Variants in HK2 observed in about 807,000 individuals in gnomAD.
HK2 encodes hexokinase 2, also known as hexokinase-2.
A neutral mutation model predicts 92.9 loss-of-function variants in HK2; 42 were observed. That is an observed-to-expected ratio of 0.45 (90% CI 0.35 to 0.58). The LOEUF (loss-of-function observed/expected upper bound fraction) is 0.58. HK2 is among the 20% of genes least tolerant of loss of function. HK2 has a pLI of 0.00. For synonymous variants in HK2, 422 were observed against 468.0 expected, an observed-to-expected ratio of 0.90 and a Z score of 1.27; for missense variants, 978 against 1,245.1, an observed-to-expected ratio of 0.79 and a Z score of 3.23.
Position 74,880,307 on chromosome 2 carries a change from C to A in HK2, c.1308C>A (p.Pro436=). 2 of 1,614,130 alleles carry A rather than the reference C, an allele frequency of 1.2e-6. No homozygotes were observed. The highest frequency in any genetic ancestry group is 2.2e-5 in the South Asian group (2 of 91,080). The change falls in exon 10 of 18, where the codon CCC becomes CCA. Residue 436 remains proline, a synonymous_variant. Coordinates refer to ENST00000290573, the MANE Select transcript of HK2 (RefSeq NM_000189.5). ...RLHKTVRRLV[P]GCDVRFLRSE... is the part of the protein sequence containing the mutation. ...ATAAGACCGTGCGGCGGCTGGTGCCCGGCTGCGATGTCCGCTTCCTCCGCT... is the reference window on the plus strand; with the variant it reads ...ATAAGACCGTGCGGCGGCTGGTGCCAGGCTGCGATGTCCGCTTCCTCCGCT...
intron 15 of HK2, among the ~76,000 whole-genome samples, chr2:74,886,912 C>G (rs568873780): frequency 2.6e-5 from 4 of 152,362 alleles, no homozygotes; most frequent in African/African-American, 9.6e-5. Flanking sequence ...GACCCTAGGT[C>G]TGGCACTCTA....
intron 7 of HK2, 63 bp downstream of exon 7, chr2:74,874,512 T>A: frequency 6.7e-7 from 1 of 1,491,270 alleles, no homozygotes; most frequent in East Asian, 2.5e-5. Context: ...CTGGGGCTGG[T>A]CGGGGCCAGG....
At chr2:74,866,315 A>T (rs145339403) in intron 2 of HK2, among the ~76,000 whole-genome samples, 39 of 152,280 alleles carry the variant, frequency 2.6e-4, no homozygotes, top group African/African-American at 8.2e-4. Flanking sequence ...TTCTCCCACC[A>T]GGAAAGGGGT....
intron 3 of HK2, among the ~76,000 whole-genome samples, 189 bp from the exon 4 acceptor site, chr2:74,872,111 T>G (rs1689112152): frequency 6.6e-6 from 1 of 152,230 alleles, no homozygotes; most frequent in East Asian, 1.9e-4. Context: ...ACTCATGTAC[T>G]CCTTTTCATA....
At chr2:74,857,177 C>T (rs11675438) in intron 2 of HK2, among the ~76,000 whole-genome samples, 26,401 of 152,130 alleles carry the variant, frequency 0.17, 2,879 homozygotes, top group East Asian at 0.32. Flanking sequence ...GCAGGGGGTC[C>T]ATAGGTTAGC....
intron 2 of HK2, among the ~76,000 whole-genome samples, chr2:74,856,884 G>C (rs1688708607): frequency 6.6e-6 from 1 of 152,200 alleles, no homozygotes; most frequent in Non-Finnish European, 1.5e-5. Flanking sequence ...CACTGCAAAT[G>C]CTCAACTAAA....
In HK2 at chr2:74,854,421, G is replaced by A; in HGVS notation, c.192G>A (p.Leu64=). ...ACCCTACTGCAGCAGTGAAGATGCTGCCCACCTTTGTGAGGTCCACTCCAG... is the reference window on the plus strand; with the variant it reads ...ACCCTACTGCAGCAGTGAAGATGCTACCCACCTTTGTGAGGTCCACTCCAG... ...TTHPTAAVKM[L]PTFVRSTPDG... The change falls in exon 2 of 18, where the codon CTG becomes CTA. Residue 64 remains leucine, a synonymous_variant. Coordinates refer to ENST00000290573, the MANE Select transcript of HK2 (RefSeq NM_000189.5). 1 of 1,614,210 alleles carries A rather than the reference G, an allele frequency of 6.2e-7. No individual in the cohort carries two copies. Among genetic ancestry groups the A allele is most frequent in the Admixed American group, 1.7e-5 (1 of 60,032 alleles).
At chr2:74,885,008 G>A (rs1689487474) in intron 12 of HK2, among the ~76,000 whole-genome samples, 1 of 152,198 alleles carries the variant, frequency 6.6e-6, no homozygotes, top group South Asian at 2.1e-4. Context: ...GACATACACT[G>A]ACCCTTCTGA....
rs1339844515 is a variant in HK2 at position 74,880,321 on chromosome 2, G to T, written c.1322G>T (p.Arg441Leu). ...VRRLVPGCDV[R>L]FLRSEDGSGK... The stretch of plus-strand genomic sequence containing the variant: ...CGGCTGGTGCCCGGCTGCGATGTCC[G>T]CTTCCTCCGCTCCGAGGATGGCAGT... Residue 441 changes from arginine to leucine, a missense_variant, in exon 10 of 18, where the codon CGC becomes CTC. This residue lies in a region of HK2 where 742 missense variants were observed against 922.5 expected (regional missense o/e 0.80). Transcript: ENST00000290573. The T allele has an allele frequency of 1.2e-6, 2 of 1,614,168 alleles. No homozygotes were observed. The highest frequency in any genetic ancestry group is 1.1e-5 in the South Asian group (1 of 91,086).
At chr2:74,855,397 TCTCG>T (rs1688671267) in intron 2 of HK2, among the ~76,000 whole-genome samples, 1 of 152,082 alleles carries the variant, frequency 6.6e-6, no homozygotes, top group African/African-American at 2.4e-5. Context: ...TGAGATGGAG[TCTCG>T]CTCTGTCACC....
chr2:74,834,342 C>G lies in HK2; in HGVS notation c.-239C>G. The stretch of plus-strand genomic sequence containing the variant: ...TGACGTGGGACAACCGGACACGTCG[C>G]CAGGAGAGAACTGAGGCGCCTTCTA... On this transcript the variant is annotated 5_prime_UTR_variant, in exon 1 of 18. Coordinates refer to ENST00000290573, the MANE Select transcript of HK2 (RefSeq NM_000189.5). The surrounding 1 kb of genome is among the most constrained non-coding windows in gnomAD (Gnocchi z 4.2). The G allele has an allele frequency of 1.7e-6, 1 of 587,396 alleles. No homozygotes were observed. The highest frequency in any genetic ancestry group is 1.9e-5 in the South Asian group (1 of 52,568). 36.4% of individuals were successfully genotyped at this position (587,396 alleles called of 1,614,324 possible). A position where few individuals can be genotyped will look rare whatever the true frequency, so the allele number is the denominator to read the frequency against.
rs1210201479 is a variant in HK2 at position 74,854,310 on chromosome 2, C to T, written c.81C>T (p.Tyr27=). 1.2e-6 allele frequency: 2 copies of T among 1,612,716 alleles called. No individual in the cohort carries two copies. Among genetic ancestry groups the T allele is most frequent in the Admixed American group, 1.7e-5 (1 of 60,014 alleles). Reference sequence around the variant, plus strand: ...TTTTTCAGGTTGACCAGTATCTCTACCACATGCGCCTCTCTGATGAGACCC... The same window carrying T: ...TTTTTCAGGTTGACCAGTATCTCTATCACATGCGCCTCTCTGATGAGACCC... ...DQVQKVDQYL[Y]HMRLSDETLL... Residue 27 remains tyrosine (Y), a synonymous_variant, in exon 2 of 18, where the codon TAC becomes TAT. Coordinates refer to ENST00000290573, the MANE Select transcript of HK2 (RefSeq NM_000189.5).
intron 1 of HK2, among the ~76,000 whole-genome samples, chr2:74,852,719 A>G (rs569051998): frequency 1.3e-5 from 2 of 152,074 alleles, no homozygotes; most frequent in South Asian, 4.2e-4. Context: ...AACGAGTGAG[A>G]GTTATCTGAT....
chr2:74,889,111 C>A, intron 16 of HK2, 134 bp from the exon 17 acceptor site: 1 of 743,732 alleles, frequency 1.3e-6, no homozygotes, highest in Non-Finnish European at 2.4e-6. Flanking sequence ...GGAATGGGAA[C>A]CACCTCGAGG....
intron 12 of HK2, among the ~76,000 whole-genome samples, chr2:74,883,165 C>T (rs1330309628): frequency 6.6e-5 from 10 of 152,146 alleles, no homozygotes; most frequent in African/African-American, 2.2e-4. Context: ...TAGGAGTGCA[C>T]GTGCACGCTG....
intron 3 of HK2, among the ~76,000 whole-genome samples, chr2:74,870,554 C>CTT (rs60629948): frequency 1.2e-3 from 148 of 123,182 alleles, no homozygotes; most frequent in African/African-American, 2.2e-3. Flanking sequence ...CTGCATCTCC[C>CTT]TTTTTTTTTT....
In HK2 at chr2:74,874,334, C is replaced by T. The variant is rs777133045; in HGVS notation, c.760C>T (p.Arg254Trp). ...HIDMVEGDEG[R>W]MCINMEWGAF... ...CGACATGGTGGAAGGCGATGAGGGG[C>T]GGATGTGTATCAATATGGAGTGGGG... Residue 254 changes from arginine (R) to tryptophan (W), a missense_variant, in exon 7 of 18, where the codon CGG becomes TGG. This residue lies in a region of HK2 where 742 missense variants were observed against 922.5 expected (regional missense o/e 0.80). Coordinates refer to ENST00000290573, the MANE Select transcript of HK2 (RefSeq NM_000189.5). 1.4e-5 allele frequency: 23 copies of T among 1,613,956 alleles called. No individual in the cohort carries two copies. Among genetic ancestry groups the T allele is most frequent in the African/African-American group, 4.0e-5 (3 of 74,860 alleles).
At chr2:74,878,472 G>A (rs1052167899) in intron 8 of HK2, among the ~76,000 whole-genome samples, 2 of 150,086 alleles carry the variant, frequency 1.3e-5, no homozygotes, top group South Asian at 4.1e-4. Context: ...TGTGTGTGGT[G>A]TCTGGGAGAG....
intron 3 of HK2, among the ~76,000 whole-genome samples, chr2:74,870,408 C>G: frequency 6.6e-6 from 1 of 152,124 alleles, no homozygotes; most frequent in Non-Finnish European, 1.5e-5. Flanking sequence ...CTATTTTTCT[C>G]TACCTTCCTA....
Sources: allele counts gnomAD v4.1 joint callset (sites outside exome capture counted in the v4.1 genomes callset), GRCh38; gene constraint gnomAD v4.1.1; regional missense constraint gnomAD v4.1.1; non-coding constraint Gnocchi (gnomAD v3.1); transcripts MANE v1.5; gene names NCBI Gene and HGNC (gene_info 2026-07-23, HGNC 2026-07-21).